Variants in BCAR3 observed in about 807,000 individuals in gnomAD.
BCAR3 encodes BCAR3 adaptor protein, NSP family member.
Under a neutral mutation model 80.1 loss-of-function variants are expected in BCAR3, and 37 were observed. The observed-to-expected ratio is 0.46, with a 90% CI of 0.36 to 0.61. BCAR3 has a LOEUF of 0.61. BCAR3 is among the 20% of genes least tolerant of loss of function. The pLI, the probability that BCAR3 is intolerant of heterozygous loss-of-function variation, is 0.00. For synonymous variants in BCAR3, 389 were observed against 418.9 expected (o/e 0.93, Z 0.87); for missense variants, 978 against 1,068.2 (o/e 0.92, Z 1.18).
chr1:93,811,495 G>A (rs12407732), intron 2 of BCAR3, among the ~76,000 whole-genome samples: 15,183 of 152,170 alleles, frequency 0.1, 966 homozygotes, highest in East Asian at 0.18. Context: ...TGCAAACACC[G>A]GGTCTCTTTC....
Position 93,575,312 on chromosome 1 carries a change from C to T in BCAR3, c.1802+702G>A, listed in dbSNP as rs147579971. 8.3e-4 allele frequency among the ~76,000 whole-genome samples: 127 copies of T among 152,326 alleles called. 1 individual carries two copies. In the East Asian group the frequency reaches 0.023, roughly 28 times the overall value. Reference sequence around the variant, plus strand: ...CTTAACAAGATAGTCTTGCCCAAATCAACTTTTAAAAAATGTGTCAAAAAG... The same window carrying T: ...CTTAACAAGATAGTCTTGCCCAAATTAACTTTTAAAAAATGTGTCAAAAAG... On this transcript the variant is annotated intron_variant, in intron 8 of 11. Coordinates refer to ENST00000260502, the MANE Select transcript of BCAR3 (RefSeq NM_003567.4).
chr1:93,744,705 T>C (rs1383126848), intron 2 of BCAR3, among the ~76,000 whole-genome samples: 1 of 152,220 alleles, frequency 6.6e-6, no homozygotes, highest in Non-Finnish European at 1.5e-5. Flanking sequence ...CAGAAACCCC[T>C]GTCCCGCCTT....
chr1:93,595,148 A>C (rs1362374159), intron 3 of BCAR3, among the ~76,000 whole-genome samples: 2 of 152,232 alleles, frequency 1.3e-5, no homozygotes, highest in Non-Finnish European at 2.9e-5. Flanking sequence ...TATTACAGGA[A>C]AGTACCTAGA....
At chr1:93,761,866 C>A (rs981022687) in intron 2 of BCAR3, among the ~76,000 whole-genome samples, 4 of 152,208 alleles carry the variant, frequency 2.6e-5, no homozygotes, top group African/African-American at 9.7e-5. Context: ...ATCCTCCCTG[C>A]TATTCCTGTC....
At chr1:93,837,237 T>C (rs1189070192) in intron 2 of BCAR3, among the ~76,000 whole-genome samples, 1 of 151,978 alleles carries the variant, frequency 6.6e-6, no homozygotes, top group African/African-American at 2.4e-5. Flanking sequence ...AAAATAAAAA[T>C]AAAAAAATAA....
At chr1:93,657,669 G>C (rs1271292835) in intron 2 of BCAR3, among the ~76,000 whole-genome samples, 1 of 149,086 alleles carries the variant, frequency 6.7e-6, no homozygotes, top group Non-Finnish European at 1.5e-5. Context: ...AAATAATTTT[G>C]AACATTGAAT....
At chr1:93,569,765 C>T (rs949792101) in intron 9 of BCAR3, among the ~76,000 whole-genome samples, 28 of 152,024 alleles carry the variant, frequency 1.8e-4, no homozygotes, top group Non-Finnish European at 3.4e-4. Context: ...GGCAGGGAGC[C>T]GCCTACAAAG....
At chr1:93,734,455 AC>A (rs1650905235) in intron 2 of BCAR3, among the ~76,000 whole-genome samples, 1 of 152,278 alleles carries the variant, frequency 6.6e-6, no homozygotes, top group East Asian at 1.9e-4. Context: ...TCCTGCAGTC[AC>A]TGAGGCCAAA....
intron 1 of BCAR3, chr1:93,846,710 C>G (rs1005564294): frequency 5.0e-5 from 18 of 356,922 alleles, no homozygotes; most frequent in African/African-American, 4.1e-4. Flanking sequence ...CGTGCTGACA[C>G]CCTCCCGGCT....
chr1:93,600,141 C>T (rs1674575178), intron 3 of BCAR3, among the ~76,000 whole-genome samples: 1 of 152,222 alleles, frequency 6.6e-6, no homozygotes, highest in African/African-American at 2.4e-5. Context: ...CAACGAGCTT[C>T]TAATATTTAG....
chr1:93,666,633 G>A (rs931019476), intron 2 of BCAR3, among the ~76,000 whole-genome samples: 2 of 152,166 alleles, frequency 1.3e-5, no homozygotes, highest in Non-Finnish European at 2.9e-5. Flanking sequence ...TAATAAATAC[G>A]CATCGAAGAA....
chr1:93,628,861 G>A (rs1446203349), intron 3 of BCAR3, among the ~76,000 whole-genome samples: 1 of 152,178 alleles, frequency 6.6e-6, no homozygotes, highest in Non-Finnish European at 1.5e-5. Context: ...ACAGTGACCA[G>A]CACAGGGAAG....
At chr1:93,668,755 A>G (rs1405378812) in intron 2 of BCAR3, among the ~76,000 whole-genome samples, 1 of 147,990 alleles carries the variant, frequency 6.8e-6, no homozygotes, top group Non-Finnish European at 1.5e-5. Context: ...CTCGTCATCC[A>G]GGCTGGAGAG....
intron 2 of BCAR3, among the ~76,000 whole-genome samples, chr1:93,735,777 T>C (rs188355196): frequency 6.6e-6 from 1 of 152,382 alleles, no homozygotes; most frequent in Admixed American, 6.5e-5. Flanking sequence ...GGCAGCTCGC[T>C]TCCATGGCCT....
chr1:93,790,426 C>T (rs532158862), intron 2 of BCAR3, among the ~76,000 whole-genome samples: 1 of 152,160 alleles, frequency 6.6e-6, no homozygotes, highest in Non-Finnish European at 1.5e-5. Context: ...TCATTTTCTG[C>T]TGGGAGTACA....
intron 2 of BCAR3, among the ~76,000 whole-genome samples, chr1:93,834,623 T>C (rs1471542388): frequency 6.6e-6 from 1 of 152,236 alleles, no homozygotes; most frequent in Non-Finnish European, 1.5e-5. Context: ...CTAGCCCTCA[T>C]GTCTGTGTGT....
intron 2 of BCAR3, among the ~76,000 whole-genome samples, chr1:93,802,919 T>C (rs1336595927): frequency 6.6e-6 from 1 of 152,300 alleles, no homozygotes; most frequent in Middle Eastern, 3.4e-3. Flanking sequence ...CCTTCTCCTT[T>C]GTCTGCAACC....
chr1:93,659,209 C>G (rs1023845559), intron 2 of BCAR3, among the ~76,000 whole-genome samples: 3 of 152,092 alleles, frequency 2.0e-5, no homozygotes, highest in Admixed American at 6.6e-5. Flanking sequence ...TGAGACAGGG[C>G]CTTGCTGTTG....
chr1:93,642,258 T>G, intron 3 of BCAR3, 46 bp downstream of exon 3: 1 of 1,591,262 alleles, frequency 6.3e-7, no homozygotes, highest in Non-Finnish European at 8.6e-7. Flanking sequence ...AAATGGGAAA[T>G]CTACTACCCA....
Sources: allele counts gnomAD v4.1 joint callset (sites outside exome capture counted in the v4.1 genomes callset), GRCh38; gene constraint gnomAD v4.1.1; transcripts MANE v1.5; gene names NCBI Gene and HGNC (gene_info 2026-07-23, HGNC 2026-07-21).